WDR25: variants seen among roughly 807,000 people sequenced by gnomAD.
WDR25 encodes the protein WD repeat-containing protein 25.
A neutral mutation model predicts 47.7 loss-of-function variants in WDR25; 35 were observed. The ratio of observed to expected loss-of-function variants is 0.73; its 90% CI spans 0.56 to 0.97. The LOEUF (loss-of-function observed/expected upper bound fraction) is 0.97, where lower values mean the gene tolerates loss of function less well. Among genes scored for constraint, WDR25 ranks in the 50% least tolerant of loss-of-function variants. The probability of loss-of-function intolerance (pLI) is 0.00; values close to 1 mark genes in which losing one functional copy is unlikely to be tolerated. For synonymous variants in WDR25, 248 were observed against 278.9 expected, an observed-to-expected ratio of 0.89 and a Z score of 1.10; for missense variants, 634 against 704.7, an observed-to-expected ratio of 0.90 and a Z score of 1.14.
intron 4 of WDR25, among the ~76,000 whole-genome samples, chr14:100,507,740 T>C (rs1383439953): frequency 1.3e-5 from 2 of 152,042 alleles, no homozygotes; most frequent in Non-Finnish European, 2.9e-5. Flanking sequence ...TATTGGTGTA[T>C]AGAAATGCTA....
At chr14:100,444,361 T>C (rs1463384969) in intron 2 of WDR25, among the ~76,000 whole-genome samples, 1 of 152,178 alleles carries the variant, frequency 6.6e-6, no homozygotes, top group Non-Finnish European at 1.5e-5. Context: ...TGCCACTTAG[T>C]TGTGGGTCAG....
intron 2 of WDR25, among the ~76,000 whole-genome samples, chr14:100,389,721 T>G (rs921210336): frequency 2.0e-5 from 3 of 152,224 alleles, no homozygotes; most frequent in Non-Finnish European, 4.4e-5. Flanking sequence ...CTGGCTGAAA[T>G]GCAGGGAGGA....
At chr14:100,420,534 T>A (rs1329393833) in intron 2 of WDR25, among the ~76,000 whole-genome samples, 1 of 152,228 alleles carries the variant, frequency 6.6e-6, no homozygotes, top group African/African-American at 2.4e-5. Flanking sequence ...CATCTTTATG[T>A]ACATAATATT....
intron 4 of WDR25, among the ~76,000 whole-genome samples, chr14:100,518,391 C>T (rs907095313): frequency 1.3e-5 from 2 of 151,436 alleles, no homozygotes; most frequent in Admixed American, 6.6e-5. Context: ...TTTTCCTGGG[C>T]ACTGTCAAGG....
chr14:100,484,485 CGTGT>C (rs756572595), intron 4 of WDR25, among the ~76,000 whole-genome samples: 5 of 142,256 alleles, frequency 3.5e-5, no homozygotes, highest in South Asian at 4.4e-4. Flanking sequence ...TGTGTGTGTG[CGTGT>C]GTGTGTGTGC....
In WDR25 at chr14:100,462,764, A is replaced by G. The variant is rs150163366; in HGVS notation, c.823-5257A>G. Among the ~76,000 whole-genome samples, 33 of 151,514 alleles carry G rather than the reference A, an allele frequency of 2.2e-4. No individual in the cohort carries two copies. In the East Asian group the frequency reaches 3.9e-3, roughly 18 times the overall value. The stretch of plus-strand genomic sequence containing the variant: ...TTCTTCTTTCTTGCATGAGACCACT[A>G]TGTTGCCCAAGCTGGTTCTTCCTCC... On this transcript the variant is annotated intron_variant, in intron 2 of 6. Coordinates refer to ENST00000402312, the MANE Select transcript of WDR25 (RefSeq NM_001161476.3).
chr14:100,462,054 A>AT (rs915111261), intron 2 of WDR25, among the ~76,000 whole-genome samples: 1 of 152,022 alleles, frequency 6.6e-6, no homozygotes, highest in Non-Finnish European at 1.5e-5. Flanking sequence ...AGAAGACTGT[A>AT]TTTTTTGTAA....
In WDR25 at chr14:100,468,072, A is replaced by G; in HGVS notation, c.874A>G (p.Thr292Ala). 6.2e-7 allele frequency: 1 copy of G among 1,613,588 alleles called. No individual in the cohort carries two copies. The highest frequency in any genetic ancestry group is 8.5e-7 in the Non-Finnish European group (1 of 1,180,024). The change falls in exon 3 of 7, where the codon ACA (threonine) becomes GCA (alanine). Residue 292 changes from threonine (T) to alanine (A), a missense_variant. Physicochemically the swap from Thr to Ala is moderately conservative, Grantham distance 58 (BLOSUM62 0). Transcript: ENST00000402312. The surrounding 1 kb of genome is among the most constrained non-coding windows in gnomAD (Gnocchi z 4.5). ...GHCLQTYSLH[T>A]EAVRAARWAP... ...CTGCCTGCAGACCTACTCCCTGCAC[A>G]CAGAGGCAGTGCGGGCCGCCCGGTG...
intron 3 of WDR25, among the ~76,000 whole-genome samples, chr14:100,477,895 T>G (rs1332345364): frequency 6.6e-6 from 1 of 152,044 alleles, no homozygotes; most frequent in Non-Finnish European, 1.5e-5. Flanking sequence ...ATTGAGACCA[T>G]CCTGGCTAAC....
chr14:100,515,789 C>CTTTTTTTTT (rs11301950), intron 4 of WDR25, among the ~76,000 whole-genome samples: 142 of 110,228 alleles, frequency 1.3e-3, no homozygotes, highest in Middle Eastern at 5.0e-3. Flanking sequence ...CCACACCTTG[C>CTTTTTTTTT]TTTTTTTTTT....
At chr14:100,456,921 A>T (rs1169049566) in intron 2 of WDR25, among the ~76,000 whole-genome samples, 2 of 152,202 alleles carry the variant, frequency 1.3e-5, no homozygotes, top group Non-Finnish European at 2.9e-5. Flanking sequence ...TGAAGAAAAA[A>T]GTTCACCAAG....
At position 100,381,338 on chromosome 14, in the gene WDR25, ACT is replaced by A; in HGVS notation, c.418_419del (p.Ser140GlnfsTer13). 2 of 1,613,624 alleles carry A rather than the reference ACT, an allele frequency of 1.2e-6. No individual in the cohort carries two copies. The highest frequency in any genetic ancestry group is 1.6e-4 in the Middle Eastern group (1 of 6,062). On this transcript the variant is annotated frameshift_variant, in exon 2 of 7. Coordinates refer to ENST00000402312, the MANE Select transcript of WDR25 (RefSeq NM_001161476.3). LOFTEE classifies it high-confidence loss of function. ...CAGCTGCCCGCTTTAAGCAAGTAAA[ACT>A]CTCCAGGAACTTTCCCAAGTCATCT... ...LAAARFKQVK[L>X]SRNFPKSSFH...
intron 4 of WDR25, among the ~76,000 whole-genome samples, chr14:100,516,220 A>C (rs1901492481): frequency 6.6e-6 from 1 of 152,020 alleles, no homozygotes; most frequent in Non-Finnish European, 1.5e-5. Context: ...CAGCCTTTAG[A>C]CTAGGGCCAA....
chr14:100,410,815 C>T (rs1473790024), intron 2 of WDR25, among the ~76,000 whole-genome samples: 2 of 149,314 alleles, frequency 1.3e-5, no homozygotes, highest in African/African-American at 2.5e-5. Flanking sequence ...CAGAGTCTCA[C>T]GCTGTCGCCC....
At chr14:100,398,396 C>T (rs889273751) in intron 2 of WDR25, among the ~76,000 whole-genome samples, 9 of 152,024 alleles carry the variant, frequency 5.9e-5, no homozygotes, top group African/African-American at 9.7e-5. Flanking sequence ...TAAGCCCTAT[C>T]GGAGCATTGG....
intron 3 of WDR25, among the ~76,000 whole-genome samples, chr14:100,481,859 G>C (rs1176604240): frequency 6.6e-6 from 1 of 152,100 alleles, no homozygotes; most frequent in Non-Finnish European, 1.5e-5. Flanking sequence ...TTGTGAGCTG[G>C]TGGGACGTCT....
intron 4 of WDR25, among the ~76,000 whole-genome samples, chr14:100,520,940 C>T (rs546879388): frequency 3.3e-5 from 5 of 152,256 alleles, no homozygotes; most frequent in South Asian, 4.1e-4. Flanking sequence ...AGTTAAGCTA[C>T]GAAATCAATA....
At chr14:100,512,473 G>C (rs1012127730) in intron 4 of WDR25, among the ~76,000 whole-genome samples, 2 of 152,042 alleles carry the variant, frequency 1.3e-5, no homozygotes, top group African/African-American at 4.8e-5. Flanking sequence ...GGTGATTTTT[G>C]TCTTCTCTGT....
At chr14:100,391,409 T>TC (rs1422589196) in intron 2 of WDR25, among the ~76,000 whole-genome samples, 1 of 152,162 alleles carries the variant, frequency 6.6e-6, no homozygotes, top group East Asian at 1.9e-4. Context: ...TTCGTGATGC[T>TC]CCCCCACACT....
Sources: gnomAD v4.1 joint callset for allele counts (sites outside exome capture counted in the v4.1 genomes callset) on GRCh38, gnomAD v4.1.1 for gene constraint, Gnocchi (gnomAD v3.1) non-coding constraint, MANE v1.5 for transcripts, NCBI Gene and HGNC (gene_info 2026-07-23, HGNC 2026-07-21) for gene names.